The following LYST variants were observed in gnomAD, a reference collection of about 807,000 sequenced individuals.
The protein encoded by LYST is lysosomal trafficking regulator.
In LYST, 192 loss-of-function variants were observed where a neutral mutation model predicts 413.6. The ratio of observed to expected loss-of-function variants is 0.46; its 90% CI spans 0.41 to 0.52. The LOEUF is 0.52. Among genes scored for constraint, LYST ranks in the 20% least tolerant of loss-of-function variants. The pLI is 0.00. For missense variants in LYST, 3,815 were observed against 4,499.9 expected (o/e 0.85, Z 4.35); for synonymous variants, 1,525 against 1,567.3 (o/e 0.97, Z 0.64).
rs577973358 is a variant in LYST, at chr1:235,769,114, T to C, written c.5922+1046A>G. On this transcript the variant is annotated intron_variant, in intron 20 of 52. Transcript: ENST00000389793. Reference sequence around the variant, plus strand: ...AAATAACTAACAAACTGTATGTACATAGTGTATAAAGGGAAAAAGACTAAT... The same window carrying C: ...AAATAACTAACAAACTGTATGTACACAGTGTATAAAGGGAAAAAGACTAAT... Among the ~76,000 whole-genome samples the C allele has an allele frequency of 4.6e-5, 7 of 152,044 alleles. 1 individual carries two copies. The highest frequency in any genetic ancestry group is 4.1e-4 in the South Asian group (2 of 4,824).
rs557113961 is a variant in LYST at position 235,779,333 on chromosome 1, C to T, written c.5214+1532G>A. Reference sequence around the variant, plus strand: ...TTTGTAACTTATATGACCTATATACCGTTCAGGAAAAATAAAAGGATTAGG... The same window carrying T: ...TTTGTAACTTATATGACCTATATACTGTTCAGGAAAAATAAAAGGATTAGG... On this transcript the variant is annotated intron_variant, in intron 16 of 52. Transcript: ENST00000389793. Among the ~76,000 whole-genome samples the T allele has an allele frequency of 3.4e-4, 52 of 152,176 alleles. No homozygotes were observed. In the South Asian group the frequency reaches 0.01, roughly 30 times the overall value.
In LYST at chr1:235,724,183, A is replaced by G; in HGVS notation, c.9163-3T>C. The G allele has an allele frequency of 1.2e-6, 2 of 1,611,458 alleles. No homozygotes were observed. The highest frequency in any genetic ancestry group is 1.7e-6 in the Non-Finnish European group (2 of 1,178,362). On this transcript the variant is annotated splice_region_variant and splice_polypyrimidine_tract_variant and intron_variant, in intron 38 of 52. Transcript: ENST00000389793. ...GGTTCCAACTCTCCCTGAAGGCTCT[A>G]AGACAAAGAAATAGGCAAAAATATT...
chr1:235,737,901 G>T, intron 31 of LYST: 1 of 1,144,902 alleles, frequency 8.7e-7, no homozygotes. Flanking sequence ...GAAGGTGCTG[G>T]AGCCGCTGCC....
In LYST at chr1:235,877,046, T is replaced by G. The variant is rs575258707; in HGVS notation, n.454+6141A>C. 5.9e-5 allele frequency among the ~76,000 whole-genome samples: 9 copies of G among 152,364 alleles called. No individual in the cohort carries two copies. In the South Asian group the frequency reaches 1.9e-3, roughly 32 times the overall value. ...ATCCAGATTTGCTCCTTACCTGTTT[T>G]CTAGATATTTCTATGTCCAGTCCTG... is the stretch of plus-strand genomic sequence containing the variant. On this transcript the variant is annotated intron_variant and non_coding_transcript_variant, in intron 1 of 11. Coordinates refer to the LYST transcript ENST00000465349.
At chr1:235,793,647 G>C (rs1268936124) in intron 10 of LYST, 35 bp from the exon 11 acceptor site, 2 of 1,105,970 alleles carry the variant, frequency 1.8e-6, no homozygotes, top group Non-Finnish European at 2.8e-6. Flanking sequence ...ATTAAAGCTA[G>C]TACACAATTA....
At chr1:235,843,466 C>T (rs1186292692) in intron 1 of LYST, among the ~76,000 whole-genome samples, 3 of 152,018 alleles carry the variant, frequency 2.0e-5, no homozygotes, top group African/African-American at 7.2e-5. Context: ...CATAAACTAC[C>T]CCACAGAGTT....
At chr1:235,713,656 C>G (rs993576718) in intron 42 of LYST, among the ~76,000 whole-genome samples, 1 of 152,126 alleles carries the variant, frequency 6.6e-6, no homozygotes, top group African/African-American at 2.4e-5. Flanking sequence ...AGGGAGAGAA[C>G]AGGGATACAG....
intron 1 of LYST, among the ~76,000 whole-genome samples, chr1:235,846,764 T>C (rs890126732): frequency 6.6e-6 from 1 of 151,874 alleles, no homozygotes; most frequent in Non-Finnish European, 1.5e-5. Flanking sequence ...ACTAAACAAG[T>C]AGAAGAAAGA....
rs1275364033 is a variant in LYST, at chr1:235,733,643, A to G, written c.8661T>C (p.Ala2887=). The change falls in exon 34 of 53, where the codon GCT becomes GCC. Residue 2887 remains alanine (A), a synonymous_variant. Coordinates refer to ENST00000389793, the MANE Select transcript of LYST (RefSeq NM_000081.4). Reference sequence around the variant, plus strand: ...GAGACACTGCCTGGGTGATATCTGCAGCTATTTTAGATATATCCTTTGATT... The same window carrying G: ...GAGACACTGCCTGGGTGATATCTGCGGCTATTTTAGATATATCCTTTGATT... ...DSKSKDISKI[A]ADITQAVSLS... The G allele has an allele frequency of 1.9e-6, 3 of 1,613,720 alleles. No homozygotes were observed. The highest frequency in any genetic ancestry group is 2.5e-6 in the Non-Finnish European group (3 of 1,179,818).
chr1:235,837,552 G>C (rs1298852308), intron 1 of LYST, among the ~76,000 whole-genome samples: 1 of 151,382 alleles, frequency 6.6e-6, no homozygotes, highest in Non-Finnish European at 1.5e-5. Context: ...GCTTGAACCT[G>C]AAAGGGGGAG....
chr1:235,738,252 G>A (rs1375256862), intron 31 of LYST: 3 of 1,610,972 alleles, frequency 1.9e-6, no homozygotes, highest in Non-Finnish European at 2.5e-6. Context: ...AGACTATACT[G>A]TAACTGTAAA....
chr1:235,717,414 C>T (rs1662941167), intron 40 of LYST, among the ~76,000 whole-genome samples: 1 of 152,186 alleles, frequency 6.6e-6, no homozygotes. Flanking sequence ...ATTCTGTGAA[C>T]ACCACATGAC....
intron 9 of LYST, 88 bp from the exon 10 acceptor site, chr1:235,800,474 G>A (rs139180213): frequency 1.3e-6 from 1 of 772,218 alleles, no homozygotes; most frequent in Non-Finnish European, 2.3e-6. Context: ...CTATGATAGG[G>A]TATCTACTAT....
intron 31 of LYST, chr1:235,737,832 A>G (rs1303882688): frequency 3.3e-6 from 3 of 916,188 alleles, no homozygotes; most frequent in Non-Finnish European, 2.7e-6. Context: ...AAATTAATAA[A>G]CAGGGAAGGA....
chr1:235,680,523 C>T (rs1052638230), intron 48 of LYST, among the ~76,000 whole-genome samples: 11 of 152,110 alleles, frequency 7.2e-5, no homozygotes, highest in African/African-American at 2.7e-4. Context: ...GGGAAGGCCT[C>T]CCAAAGTGCT....
In LYST at chr1:235,737,895, G is replaced by A. The variant is rs185052147; in HGVS notation, c.8359-3236C>T. The A allele has an allele frequency of 1.1e-3, 1,213 of 1,137,578 alleles. 4 individuals are homozygous for A. The highest frequency in any genetic ancestry group is 7.7e-3 in the South Asian group (199 of 25,812). The allele number at this position is 1,137,578 out of a possible 1,614,324, so 70.5% of individuals were successfully genotyped here. ...CTGACTGTATTTAAAGGTAGCGAAG[G>A]TGCTGGAGCCGCTGCCGACGAGTCT... On this transcript the variant is annotated intron_variant, in intron 31 of 52. Transcript: ENST00000389793.
intron 48 of LYST, 142 bp from the exon 49 acceptor site, chr1:235,677,761 G>T: frequency 3.5e-6 from 2 of 566,356 alleles, no homozygotes; most frequent in East Asian, 3.1e-5. Flanking sequence ...GTAAAACAAA[G>T]AAAGAAATTA....
intron 13 of LYST, among the ~76,000 whole-genome samples, chr1:235,788,356 A>G (rs1334469584): frequency 6.6e-6 from 1 of 151,210 alleles, no homozygotes; most frequent in East Asian, 1.9e-4. Flanking sequence ...TTTTGTTTTT[A>G]TTTTTATTTT....
At chr1:235,801,386 A>T (rs960458629) in intron 8 of LYST, among the ~76,000 whole-genome samples, 1 of 144,638 alleles carries the variant, frequency 6.9e-6, no homozygotes, top group Non-Finnish European at 1.5e-5. Context: ...ACACAACTTT[A>T]AAAAAAAAAA....
Sources: gnomAD v4.1 joint callset for allele counts (sites outside exome capture counted in the v4.1 genomes callset) on GRCh38, gnomAD v4.1.1 for gene constraint, MANE v1.5 for transcripts, NCBI Gene and HGNC (gene_info 2026-07-23, HGNC 2026-07-21) for gene names.